Variants in OTOP2 observed in about 807,000 individuals in gnomAD.
The protein encoded by OTOP2 is proton channel OTOP2.
OTOP2 carries 41 observed loss-of-function variants against 47.4 expected under a neutral mutation model. That is an observed-to-expected ratio of 0.87 (90% CI 0.67 to 1.12). OTOP2 has a LOEUF of 1.12. Among genes scored for constraint, OTOP2 ranks in the 50% most tolerant of loss-of-function variants. The pLI, the probability that OTOP2 is intolerant of heterozygous loss-of-function variation, is 0.00. For synonymous variants in OTOP2, 328 were observed against 319.6 expected, an observed-to-expected ratio of 1.03 and a Z score of -0.28; for missense variants, 721 against 752.2, an observed-to-expected ratio of 0.96 and a Z score of 0.49.
At position 74,933,454 on chromosome 17, in the gene OTOP2, G is replaced by C. The variant is rs201168864; in HGVS notation, c.1598G>C (p.Trp533Ser). ...GTGGATTTCTACGGCTACTCCCTCT[G>C]GGCGGTCATCGTCAACATCTGCCTC... ...VEVDFYGYSL[W>S]AVIVNICLPF... Residue 533 changes from tryptophan to serine, a missense_variant, in exon 7 of 7, where the codon TGG becomes TCG. Physicochemically the swap from Trp to Ser is radical, Grantham distance 177 (BLOSUM62 -3). Transcript: ENST00000331427. This position sits in a 1 kb window ranked among gnomAD's most constrained non-coding sequence, Gnocchi z 4.7. 6.2e-7 allele frequency: 1 copy of C among 1,614,142 alleles called. No individual in the cohort carries two copies. Among genetic ancestry groups the C allele is most frequent in the East Asian group, 2.2e-5 (1 of 44,884 alleles).
chr17:74,931,629 AC>A lies in OTOP2; in HGVS notation c.1518+481del, dbSNP rs1278164006. On this transcript the variant is annotated intron_variant, in intron 6 of 6. Coordinates refer to ENST00000331427, the MANE Select transcript of OTOP2 (RefSeq NM_178160.3). ...GGGAAGGAGGGCATCTACAACAGCC[AC>A]CCCCTCCCTAGTGACTCAGCAAAGA... Among the ~76,000 whole-genome samples the A allele has an allele frequency of 3.3e-5, 5 of 151,982 alleles. No homozygotes were observed. In the East Asian group the frequency reaches 5.8e-4, roughly 18 times the overall value.
intron 3 of OTOP2, among the ~76,000 whole-genome samples, chr17:74,926,140 C>T (rs1567943821): frequency 6.6e-6 from 1 of 152,184 alleles, no homozygotes; most frequent in Non-Finnish European, 1.5e-5. Context: ...GTTGTTGTTG[C>T]ATAAACAATA....
intron 4 of OTOP2, 176 bp from the exon 5 acceptor site, chr17:74,927,488 AC>A (rs1204852957): frequency 1.9e-6 from 2 of 1,066,412 alleles, no homozygotes; most frequent in Non-Finnish European, 2.7e-6. Flanking sequence ...CCCCGGGAAA[AC>A]CTCCTAGCCC....
In OTOP2 at chr17:74,926,838, C is replaced by T. The variant is rs913402131; in HGVS notation, c.451-385C>T. Among the ~76,000 whole-genome samples, 4 of 151,962 alleles carry T rather than the reference C, an allele frequency of 2.6e-5. No individual in the cohort carries two copies. The East Asian group carries it at 7.7e-4, about 29-fold the overall frequency. Reference sequence around the variant, plus strand: ...GCAGTGGCACGATCTCGGCTGCAACCTCTGCCTCCTGGGTTCAAGCGATTC... The same window carrying T: ...GCAGTGGCACGATCTCGGCTGCAACTTCTGCCTCCTGGGTTCAAGCGATTC... On this transcript the variant is annotated intron_variant, in intron 3 of 6. Transcript: ENST00000331427.
At chr17:74,932,919 C>A (rs926469301) in intron 6 of OTOP2, among the ~76,000 whole-genome samples, 2 of 152,146 alleles carry the variant, frequency 1.3e-5, no homozygotes, top group African/African-American at 4.8e-5. Flanking sequence ...GAGGGCAGAG[C>A]TCAAGGAGGG....
chr17:74,930,235 G>A lies in OTOP2; in HGVS notation c.644-44G>A. On this transcript the variant is annotated intron_variant, in intron 5 of 6. Transcript: ENST00000331427. This position sits in a 1 kb window ranked among gnomAD's most constrained non-coding sequence, Gnocchi z 4.0. ...CAGGCTAGGGGTGAGACCTCTCTAGGAAGGCAGGAGGGCTGTCCAGCCCTG... is the reference window on the plus strand; with the variant it reads ...CAGGCTAGGGGTGAGACCTCTCTAGAAAGGCAGGAGGGCTGTCCAGCCCTG... The A allele has an allele frequency of 6.4e-7, 1 of 1,573,626 alleles. No homozygotes were observed. Among genetic ancestry groups the A allele is most frequent in the Non-Finnish European group, 8.7e-7 (1 of 1,155,920 alleles).
At position 74,924,973 on chromosome 17, in the gene OTOP2, G is replaced by T; in HGVS notation, c.313+28G>T. The T allele has an allele frequency of 1.3e-6, 2 of 1,528,772 alleles. No individual in the cohort carries two copies. Among genetic ancestry groups the T allele is most frequent in the Non-Finnish European group, 1.8e-6 (2 of 1,135,608 alleles). The allele number at this position is 1,528,772 out of a possible 1,614,324, so 94.7% of individuals were successfully genotyped here. A position where few individuals can be genotyped will look rare whatever the true frequency, so the allele number is the denominator to read the frequency against. ...GCCAGGGGAGGTGGGGGCGAGGTAG[G>T]GTGGGCACAACAGGGAGCTGCAGGC... On this transcript the variant is annotated intron_variant, in intron 2 of 6. Coordinates refer to ENST00000331427, the MANE Select transcript of OTOP2 (RefSeq NM_178160.3). This position sits in a 1 kb window ranked among gnomAD's most constrained non-coding sequence, Gnocchi z 7.7.
chr17:74,924,696 G>A lies in OTOP2; in HGVS notation c.64G>A (p.Glu22Lys). 6.2e-7 allele frequency: 1 copy of A among 1,603,120 alleles called. No homozygotes were observed. Among genetic ancestry groups the A allele is most frequent in the Non-Finnish European group, 8.5e-7 (1 of 1,176,444 alleles). ...SPPAPRAGPR[E>K]VWKKGGRLLS... ...CCCGGCGCCGCGTGCGGGCCCCAGG[G>A]AGGTGTGGAAGAAGGGTGGCCGCCT... The change falls in exon 2 of 7, where the codon GAG becomes AAG. Residue 22 changes from glutamate (E) to lysine (K), a missense_variant. Coordinates refer to ENST00000331427, the MANE Select transcript of OTOP2 (RefSeq NM_178160.3). The surrounding 1 kb of genome is among the most constrained non-coding windows in gnomAD (Gnocchi z 7.7).
Position 74,924,876 on chromosome 17 carries a change from C to A in OTOP2, c.244C>A (p.Leu82Ile). 6.2e-7 allele frequency: 1 copy of A among 1,602,794 alleles called. No individual in the cohort carries two copies. The highest frequency in any genetic ancestry group is 8.5e-7 in the Non-Finnish European group (1 of 1,175,362). Residue 82 changes from leucine (L) to isoleucine (I), a missense_variant, in exon 2 of 7, where the codon CTC becomes ATC. Physicochemically the swap from Leu to Ile is conservative, Grantham distance 5 (BLOSUM62 2). Coordinates refer to ENST00000331427, the MANE Select transcript of OTOP2 (RefSeq NM_178160.3). The surrounding 1 kb of genome is among the most constrained non-coding windows in gnomAD (Gnocchi z 7.7). The stretch of plus-strand genomic sequence containing the variant: ...AACGCTCTGGATCCTCTTCTACCTC[C>A]TCCGAACCGTGCGCTGCCCCTGCGC... ...LATLWILFYLLRTVRCPCAVP... is the reference protein window; with the variant it reads ...LATLWILFYLIRTVRCPCAVP...
intron 6 of OTOP2, among the ~76,000 whole-genome samples, chr17:74,932,451 C>G (rs1196880260): frequency 6.6e-6 from 1 of 152,184 alleles, no homozygotes; most frequent in African/African-American, 2.4e-5. Context: ...CAGGAGCCTT[C>G]CAACACAATC....
chr17:74,925,488 C>A, intron 2 of OTOP2, 68 bp from the exon 3 acceptor site: 1 of 1,582,700 alleles, frequency 6.3e-7, no homozygotes, highest in Non-Finnish European at 8.6e-7. Flanking sequence ...GGCCTGTCCT[C>A]AGCTCGGCAG....
Position 74,930,791 on chromosome 17 carries a change from T to G in OTOP2, c.1156T>G (p.Ser386Ala), listed in dbSNP as rs144792513. 19 of 1,613,970 alleles carry G rather than the reference T, an allele frequency of 1.2e-5. No homozygotes were observed. The South Asian group carries it at 1.8e-4, about 15-fold the overall frequency. The change falls in exon 6 of 7, where the codon TCC becomes GCC. Residue 386 changes from serine (S) to alanine (A), a missense_variant. Transcript: ENST00000331427. This position sits in a 1 kb window ranked among gnomAD's most constrained non-coding sequence, Gnocchi z 4.0. The part of the protein sequence containing the change: ...ALGQYAISYY[S>A]IVAVVAGTPQ... ...GGGTCAGTACGCCATCTCTTACTACTCCATCGTGGCTGTGGTGGCGGGCAC... is the reference window on the plus strand; with the variant it reads ...GGGTCAGTACGCCATCTCTTACTACGCCATCGTGGCTGTGGTGGCGGGCAC...
chr17:74,931,252 G>A, intron 6 of OTOP2, 99 bp downstream of exon 6: 1 of 1,441,064 alleles, frequency 6.9e-7, no homozygotes, highest in Non-Finnish European at 9.2e-7. Context: ...CTTGCCCCCA[G>A]CCCGCCTGAG....
In OTOP2 at chr17:74,930,197, A is replaced by G. The variant is rs1160802751; in HGVS notation, c.644-82A>G. 5 of 1,476,336 alleles carry G rather than the reference A, an allele frequency of 3.4e-6. No individual in the cohort carries two copies. The highest frequency in any genetic ancestry group is 4.5e-6 in the Non-Finnish European group (5 of 1,106,076). The allele number at this position is 1,476,336 out of a possible 1,614,324, so 91.5% of individuals were successfully genotyped here. A position where few individuals can be genotyped will look rare whatever the true frequency, so the allele number is the denominator to read the frequency against. On this transcript the variant is annotated intron_variant, in intron 5 of 6. Transcript: ENST00000331427. The surrounding 1 kb of genome is among the most constrained non-coding windows in gnomAD (Gnocchi z 4.0). ...AAACTCCGTCTCAAAACAAAACAAAAAAAAAAAGGTCACAGGCTAGGGGTG... is the reference window on the plus strand; with the variant it reads ...AAACTCCGTCTCAAAACAAAACAAAGAAAAAAAGGTCACAGGCTAGGGGTG...
intron 2 of OTOP2, 80 bp downstream of exon 2, chr17:74,925,025 G>A: frequency 7.7e-6 from 11 of 1,434,958 alleles, no homozygotes; most frequent in Non-Finnish European, 9.2e-6. Flanking sequence ...GTTGCAGAGT[G>A]CAGATTGACA....
chr17:74,928,065 A>T (rs759055767), intron 5 of OTOP2: 3 of 445,706 alleles, frequency 6.7e-6, no homozygotes, highest in Non-Finnish European at 1.2e-5. Context: ...ACCCAGGACC[A>T]GGTGCAGTGG....
At chr17:74,932,887 G>T (rs2039072257) in intron 6 of OTOP2, among the ~76,000 whole-genome samples, 1 of 152,178 alleles carries the variant, frequency 6.6e-6, no homozygotes, top group Non-Finnish European at 1.5e-5. Context: ...TGGAAAGGGA[G>T]AAGGGGATGA....
intron 3 of OTOP2, among the ~76,000 whole-genome samples, chr17:74,926,267 A>T (rs1285893199): frequency 6.6e-6 from 1 of 152,160 alleles, no homozygotes; most frequent in Non-Finnish European, 1.5e-5. Context: ...CCCCAGAAAC[A>T]TCACTCCTGC....
rs751414454 is a variant in OTOP2 at position 74,924,931 on chromosome 17, C to G, written c.299C>G (p.Pro100Arg). ...CCCTACCGGGACGCGCACGCTGGCC[C>G]CATCTGGCTCCGAGGTGCCAGGGGA... ...AVPYRDAHAG[P>R]IWLRGGLVLF... is the part of the protein sequence containing the mutation. Residue 100 changes from proline to arginine, a missense_variant, in exon 2 of 7, where the codon CCC becomes CGC. Coordinates refer to ENST00000331427, the MANE Select transcript of OTOP2 (RefSeq NM_178160.3). This position sits in a 1 kb window ranked among gnomAD's most constrained non-coding sequence, Gnocchi z 7.7. 1.9e-6 allele frequency: 3 copies of G among 1,565,478 alleles called. No individual in the cohort carries two copies. Among genetic ancestry groups the G allele is most frequent in the Non-Finnish European group, 1.7e-6 (2 of 1,154,050 alleles).
Sources: gnomAD v4.1 joint callset for allele counts (sites outside exome capture counted in the v4.1 genomes callset) on GRCh38, gnomAD v4.1.1 for gene constraint, Gnocchi (gnomAD v3.1) non-coding constraint, MANE v1.5 for transcripts, NCBI Gene and HGNC (gene_info 2026-07-23, HGNC 2026-07-21) for gene names.